KCNB2: variants seen among roughly 807,000 people sequenced by gnomAD.
The protein encoded by KCNB2 is delayed rectifier potassium channel protein.
KCNB2 carries 15 observed loss-of-function variants against 61.5 expected under a neutral mutation model. The observed-to-expected ratio is 0.24, with a 90% CI of 0.16 to 0.38. The LOEUF is 0.38. Among genes scored for constraint, KCNB2 ranks in the 10% least tolerant of loss-of-function variants. The pLI, the probability that KCNB2 is intolerant of heterozygous loss-of-function variation, is 1.00. For synonymous variants in KCNB2, 457 were observed against 446.0 expected (o/e 1.02, Z -0.31); for missense variants, 828 against 1,125.2 (o/e 0.74, Z 3.78).
chr8:72,883,464 A>G (rs1485478851), intron 2 of KCNB2, among the ~76,000 whole-genome samples: 1 of 152,196 alleles, frequency 6.6e-6, no homozygotes, highest in Admixed American at 6.5e-5. Flanking sequence ...AAAGCAACTC[A>G]TTTGTTGCTG....
At chr8:72,707,110 A>T (rs1367164924) in intron 2 of KCNB2, among the ~76,000 whole-genome samples, 2 of 152,250 alleles carry the variant, frequency 1.3e-5, no homozygotes, top group Non-Finnish European at 2.9e-5. Context: ...CCTTGCCTTC[A>T]TAAGGCAGAA....
At chr8:72,784,702 A>G (rs1808818717) in intron 2 of KCNB2, among the ~76,000 whole-genome samples, 1 of 152,152 alleles carries the variant, frequency 6.6e-6, no homozygotes, top group African/African-American at 2.4e-5. Flanking sequence ...ATCACCTCAC[A>G]TGAGGTCCCA....
At chr8:72,882,594 T>C (rs1369052296) in intron 2 of KCNB2, among the ~76,000 whole-genome samples, 1 of 150,288 alleles carries the variant, frequency 6.7e-6, no homozygotes, top group African/African-American at 2.4e-5. Context: ...TTGAAGTTCC[T>C]AGCAACTGGG....
chr8:72,540,057 G>A (rs1479619948), intron 1 of KCNB2, among the ~76,000 whole-genome samples: 1 of 152,162 alleles, frequency 6.6e-6, no homozygotes, highest in Non-Finnish European at 1.5e-5. Context: ...AGTCTGCAGA[G>A]CATCTTCGTT....
intron 2 of KCNB2, among the ~76,000 whole-genome samples, chr8:72,897,606 A>G (rs1443263652): frequency 3.9e-5 from 6 of 152,174 alleles, no homozygotes; most frequent in African/African-American, 7.2e-5. Context: ...AGAACGATAC[A>G]GCCATGCAAA....
intron 2 of KCNB2, among the ~76,000 whole-genome samples, chr8:72,792,971 CT>C (rs1563386811): frequency 6.6e-6 from 1 of 152,138 alleles, no homozygotes; most frequent in Non-Finnish European, 1.5e-5. Context: ...CAATAACACC[CT>C]TTCCCTCTCC....
chr8:72,883,355 T>C (rs1468810038), intron 2 of KCNB2, among the ~76,000 whole-genome samples: 3 of 152,200 alleles, frequency 2.0e-5, no homozygotes, highest in African/African-American at 7.2e-5. Context: ...CTGTCCTCAG[T>C]TATCCACTGA....
intron 1 of KCNB2, among the ~76,000 whole-genome samples, chr8:72,555,468 C>G (rs1196611987): frequency 6.6e-6 from 1 of 151,734 alleles, no homozygotes; most frequent in Non-Finnish European, 1.5e-5. Context: ...AAAACCGAAT[C>G]CATCACAATA....
chr8:72,764,458 G>A (rs1194190159), intron 2 of KCNB2, among the ~76,000 whole-genome samples: 1 of 152,224 alleles, frequency 6.6e-6, no homozygotes, highest in Non-Finnish European at 1.5e-5. Context: ...AACACACAGG[G>A]CTCATGGTTC....
At chr8:72,576,077 A>G (rs1230892409) in intron 2 of KCNB2, among the ~76,000 whole-genome samples, 2 of 152,246 alleles carry the variant, frequency 1.3e-5, no homozygotes, top group Non-Finnish European at 2.9e-5. Context: ...ATTTGAAAAG[A>G]ATTGTGATCA....
At chr8:72,559,866 T>C (rs1806486356) in intron 1 of KCNB2, among the ~76,000 whole-genome samples, 1 of 152,176 alleles carries the variant, frequency 6.6e-6, no homozygotes, top group Admixed American at 6.5e-5. Flanking sequence ...ACTAGAGATC[T>C]GGGTTCTAGT....
At chr8:72,904,799 T>G (rs1249687874) in intron 2 of KCNB2, among the ~76,000 whole-genome samples, 1 of 152,096 alleles carries the variant, frequency 6.6e-6, no homozygotes, top group East Asian at 1.9e-4. Context: ...TTATCATCCC[T>G]TGCTCAAATG....
At chr8:72,806,200 A>T (rs1265141240) in intron 2 of KCNB2, among the ~76,000 whole-genome samples, 1 of 151,874 alleles carries the variant, frequency 6.6e-6, no homozygotes, top group Non-Finnish European at 1.5e-5. Context: ...TCTACTAAAA[A>T]CACAAAAATT....
chr8:72,593,180 T>C (rs544600657), intron 2 of KCNB2, among the ~76,000 whole-genome samples: 39 of 152,338 alleles, frequency 2.6e-4, no homozygotes, highest in Non-Finnish European at 4.0e-4. Flanking sequence ...TGATTGTTTG[T>C]CTACATCCTT....
chr8:72,589,861 G>A (rs1807065637), intron 2 of KCNB2, among the ~76,000 whole-genome samples: 1 of 152,124 alleles, frequency 6.6e-6, no homozygotes, highest in Non-Finnish European at 1.5e-5. Context: ...TACAACTAAG[G>A]GCAGGCATGT....
chr8:72,607,730 T>C (rs1585781255), intron 2 of KCNB2, among the ~76,000 whole-genome samples: 2 of 152,316 alleles, frequency 1.3e-5, no homozygotes, highest in African/African-American at 2.4e-5. Flanking sequence ...GAATAATTGC[T>C]TTTAGAAAAA....
rs190139435 is a variant in KCNB2, at chr8:72,666,413, T to C, written c.579+98100T>C. On this transcript the variant is annotated intron_variant, in intron 2 of 2. Coordinates refer to ENST00000523207, the MANE Select transcript of KCNB2 (RefSeq NM_004770.3). ...GATTTTGCCCATTCTCTAAAAACTT[T>C]AGGAGAATAATAATGGTCAATATCT... Among the ~76,000 whole-genome samples the C allele has an allele frequency of 3.0e-3, 460 of 152,302 alleles. 4 individuals are homozygous for C. Among genetic ancestry groups the C allele is most frequent in the African/African-American group, 0.01 (436 of 41,572 alleles).
At chr8:72,564,944 C>T (rs1257475262) in intron 1 of KCNB2, among the ~76,000 whole-genome samples, 2 of 152,124 alleles carry the variant, frequency 1.3e-5, no homozygotes, top group Non-Finnish European at 2.9e-5. Context: ...TTCAGATATA[C>T]CTCCTTGTAA....
intron 2 of KCNB2, among the ~76,000 whole-genome samples, chr8:72,646,631 C>G (rs1411056429): frequency 6.6e-6 from 1 of 152,098 alleles, no homozygotes; most frequent in Non-Finnish European, 1.5e-5. Flanking sequence ...CACAAAAGGG[C>G]AAATATTGTG....
Sources: allele counts gnomAD v4.1 joint callset (sites outside exome capture counted in the v4.1 genomes callset), GRCh38; gene constraint gnomAD v4.1.1; transcripts MANE v1.5; gene names NCBI Gene and HGNC (gene_info 2026-07-23, HGNC 2026-07-21).